RBFOX1: variants seen among roughly 807,000 people sequenced by gnomAD.
The protein encoded by RBFOX1 is RNA binding fox-1 homolog 1, also known as RNA binding protein fox-1 homolog 1.
A neutral mutation model predicts 57.7 loss-of-function variants in RBFOX1; 8 were observed. That is an observed-to-expected ratio of 0.14 (90% CI 0.08 to 0.25). The LOEUF is 0.25. RBFOX1 is among the 10% of genes least tolerant of loss of function. The probability of loss-of-function intolerance (pLI) is 1.00; values close to 1 mark genes in which losing one functional copy is unlikely to be tolerated. For synonymous variants in RBFOX1, 326 were observed against 222.4 expected (o/e 1.47, Z -4.15); for missense variants, 611 against 548.5 (o/e 1.11, Z -1.14).
intron 2 of RBFOX1, among the ~76,000 whole-genome samples, chr16:6,526,108 A>G (rs2096574072): frequency 6.6e-6 from 1 of 152,232 alleles, no homozygotes; most frequent in Admixed American, 6.5e-5. Flanking sequence ...GTAAGAAGAT[A>G]AAGTGAGTCA....
intron 2 of RBFOX1, among the ~76,000 whole-genome samples, chr16:6,568,723 A>C (rs557898194): frequency 4.6e-5 from 7 of 152,120 alleles, no homozygotes; most frequent in Non-Finnish European, 1.0e-4. Context: ...CTTCCATTTC[A>C]GGGGCCAGTT....
At chr16:6,708,718 T>C (rs776174745) in intron 3 of RBFOX1, among the ~76,000 whole-genome samples, 1 of 152,216 alleles carries the variant, frequency 6.6e-6, no homozygotes, top group Non-Finnish European at 1.5e-5. Context: ...CCTGTTCCCT[T>C]CTTGCCCTAG....
At chr16:5,784,051 C>T (rs1394766025) in intron 3 of RBFOX1, among the ~76,000 whole-genome samples, 1 of 152,186 alleles carries the variant, frequency 6.6e-6, no homozygotes, top group Non-Finnish European at 1.5e-5. Context: ...GTTCTGCAGG[C>T]TGTACGGGAA....
At chr16:6,983,477 G>A (rs542793260) in intron 3 of RBFOX1, among the ~76,000 whole-genome samples, 3 of 150,900 alleles carry the variant, frequency 2.0e-5, no homozygotes, top group Admixed American at 6.6e-5. Flanking sequence ...GATTATGGAA[G>A]ATGAAAAGGA....
chr16:7,180,259 C>G (rs1274545908), intron 4 of RBFOX1, among the ~76,000 whole-genome samples: 2 of 152,082 alleles, frequency 1.3e-5, no homozygotes, highest in African/African-American at 4.8e-5. Context: ...CATATATTAA[C>G]TCTTTATGTC....
At chr16:5,964,005 G>A (rs984668898) in intron 4 of RBFOX1, among the ~76,000 whole-genome samples, 2 of 152,194 alleles carry the variant, frequency 1.3e-5, no homozygotes, top group African/African-American at 4.8e-5. Flanking sequence ...TCACATATCT[G>A]ATAAGTGATT....
intron 1 of RBFOX1, among the ~76,000 whole-genome samples, chr16:5,451,792 C>T (rs2151567158): frequency 6.6e-6 from 1 of 152,232 alleles, no homozygotes; most frequent in East Asian, 1.9e-4. Flanking sequence ...ACCAGGCTAC[C>T]TGAGCTTTCT....
At chr16:5,571,113 C>G (rs1053600939) in intron 2 of RBFOX1, among the ~76,000 whole-genome samples, 10 of 151,840 alleles carry the variant, frequency 6.6e-5, no homozygotes, top group African/African-American at 2.2e-4. Context: ...TCCCCCAGCC[C>G]TTCATGTAAT....
intron 1 of RBFOX1, among the ~76,000 whole-genome samples, chr16:6,132,276 G>C (rs879435257): frequency 6.6e-6 from 1 of 151,830 alleles, no homozygotes; most frequent in Non-Finnish European, 1.5e-5. Flanking sequence ...CCCCCTGGCA[G>C]TTAGGTGGAG....
At chr16:5,560,060 A>C (rs2045836774) in intron 2 of RBFOX1, among the ~76,000 whole-genome samples, 1 of 152,182 alleles carries the variant, frequency 6.6e-6, no homozygotes, top group South Asian at 2.1e-4. Context: ...ATATTCCCAG[A>C]GTGTCAACAG....
At chr16:5,611,145 C>T (rs184932002) in intron 3 of RBFOX1, 3 of 152,400 alleles carry the variant, frequency 2.0e-5, no homozygotes, top group Admixed American at 1.3e-4. Context: ...ATCTCCATCC[C>T]GAATCCACCC....
At chr16:5,485,884 A>T (rs1372305241) in intron 2 of RBFOX1, among the ~76,000 whole-genome samples, 4 of 152,166 alleles carry the variant, frequency 2.6e-5, no homozygotes, top group Non-Finnish European at 5.9e-5. Context: ...TCAGGATGTT[A>T]TTATCCTCTT....
intron 1 of RBFOX1, among the ~76,000 whole-genome samples, chr16:5,281,511 C>A (rs1158269980): frequency 6.6e-6 from 1 of 152,136 alleles, no homozygotes; most frequent in African/African-American, 2.4e-5. Flanking sequence ...CTGTCCAATG[C>A]TGAGAGTAGG....
chr16:5,637,176 C>T lies in RBFOX1; in HGVS notation c.318+38215C>T, dbSNP rs79345838. 6.2e-3 allele frequency among the ~76,000 whole-genome samples: 945 copies of T among 152,334 alleles called. 47 individuals are homozygous for T. In the South Asian group the frequency reaches 0.095, roughly 15 times the overall value. The stretch of plus-strand genomic sequence containing the variant: ...ATTTTAAATAAGCTGTCACGCAGGG[C>T]AGCAGCTGACATGCCGCTGAGAAAG... On this transcript the variant is annotated intron_variant, in intron 3 of 19. Coordinates refer to the RBFOX1 transcript ENST00000641259.
At chr16:6,126,648 G>T (rs756040047) in intron 1 of RBFOX1, among the ~76,000 whole-genome samples, 61 of 152,212 alleles carry the variant, frequency 4.0e-4, no homozygotes, top group Middle Eastern at 3.4e-3. Flanking sequence ...TACTTAATAT[G>T]TATATTCTGG....
chr16:6,530,691 T>C (rs572055867), intron 2 of RBFOX1, among the ~76,000 whole-genome samples: 27 of 152,088 alleles, frequency 1.8e-4, no homozygotes, highest in Admixed American at 3.3e-4. Flanking sequence ...ATGTCTTACA[T>C]AGATGGTGGC....
intron 4 of RBFOX1, among the ~76,000 whole-genome samples, chr16:7,240,759 G>C (rs2094013467): frequency 6.6e-6 from 1 of 152,058 alleles, no homozygotes; most frequent in African/African-American, 2.4e-5. Context: ...TTGTGGAGAT[G>C]GGGTTTTGCC....
intron 3 of RBFOX1, among the ~76,000 whole-genome samples, chr16:5,796,229 G>C (rs569805739): frequency 6.6e-6 from 1 of 152,346 alleles, no homozygotes; most frequent in African/African-American, 2.4e-5. Flanking sequence ...GAAATGCACA[G>C]ATCTGGATCT....
chr16:7,511,940 A>C (rs182566129), intron 4 of RBFOX1, among the ~76,000 whole-genome samples: 6 of 152,350 alleles, frequency 3.9e-5, no homozygotes, highest in Admixed American at 2.6e-4. Flanking sequence ...AAGAAAGTCC[A>C]GGCACTGAAA....
Sources: allele counts gnomAD v4.1 joint callset (sites outside exome capture counted in the v4.1 genomes callset), GRCh38; gene constraint gnomAD v4.1.1; transcripts MANE v1.5; gene names NCBI Gene and HGNC (gene_info 2026-07-23, HGNC 2026-07-21).